The following MAP3K4 variants were observed in gnomAD, a reference collection of about 807,000 sequenced individuals.
MAP3K4 encodes the protein mitogen-activated protein kinase kinase kinase 4.
A neutral mutation model predicts 185.6 loss-of-function variants in MAP3K4; 67 were observed. That is an observed-to-expected ratio of 0.36 (90% CI 0.30 to 0.44). The LOEUF (loss-of-function observed/expected upper bound fraction) is 0.44. Among genes scored for constraint, MAP3K4 ranks in the 20% least tolerant of loss-of-function variants. MAP3K4 has a pLI of 1.00. For synonymous variants in MAP3K4, 702 were observed against 710.4 expected (o/e 0.99, Z 0.19); for missense variants, 1,551 against 1,995.1 (o/e 0.78, Z 4.24).
intron 1 of MAP3K4, among the ~76,000 whole-genome samples, chr6:160,998,148 A>T (rs145680395): frequency 5.9e-5 from 9 of 152,322 alleles, no homozygotes; most frequent in Non-Finnish European, 1.2e-4. Flanking sequence ...GTGGTACTAC[A>T]GGTGCGCACC....
At chr6:161,095,931 A>G (rs1441890785) in intron 15 of MAP3K4, among the ~76,000 whole-genome samples, 1 of 152,132 alleles carries the variant, frequency 6.6e-6, no homozygotes, top group African/African-American at 2.4e-5. Context: ...GAATGTCTTT[A>G]TTTGTAGGAA....
chr6:160,995,979 C>G (rs942211716), intron 1 of MAP3K4, among the ~76,000 whole-genome samples: 10 of 151,980 alleles, frequency 6.6e-5, no homozygotes, highest in Non-Finnish European at 1.3e-4. Context: ...GAATTATTTA[C>G]TTTATATATT....
chr6:161,090,873 C>G (rs1030481594), intron 11 of MAP3K4, among the ~76,000 whole-genome samples: 7 of 152,238 alleles, frequency 4.6e-5, no homozygotes, highest in Non-Finnish European at 8.8e-5. Flanking sequence ...AGTACTTCCA[C>G]TTTTTCCTCC....
chr6:161,035,982 C>T (rs1164228938), intron 2 of MAP3K4, among the ~76,000 whole-genome samples: 3 of 152,112 alleles, frequency 2.0e-5, no homozygotes, highest in Admixed American at 1.3e-4. Flanking sequence ...ACCACTAGTT[C>T]TCCTGGTACT....
chr6:161,026,877 A>G (rs2115137103), intron 1 of MAP3K4, among the ~76,000 whole-genome samples: 1 of 151,802 alleles, frequency 6.6e-6, no homozygotes, highest in South Asian at 2.1e-4. Flanking sequence ...GAAAGCCTTC[A>G]TCTGAATTAT....
In MAP3K4 at chr6:161,094,061, C is replaced by A. The variant is rs73784750; in HGVS notation, c.3427+210C>A. 6.6e-3 allele frequency among the ~76,000 whole-genome samples: 999 copies of A among 152,340 alleles called. 10 individuals carry two copies. Among genetic ancestry groups the A allele is most frequent in the Middle Eastern group, 0.065 (19 of 294 alleles). Reference sequence around the variant, plus strand: ...CAGGAAGATTAAAACGTCAGCCATACGCTATTCCATACCAGCCAGCAGTAT... The same window carrying A: ...CAGGAAGATTAAAACGTCAGCCATAAGCTATTCCATACCAGCCAGCAGTAT... On this transcript the variant is annotated intron_variant, in intron 15 of 26. Coordinates refer to ENST00000392142, the MANE Select transcript of MAP3K4 (RefSeq NM_005922.4).
chr6:161,002,651 G>T (rs1030332030), intron 1 of MAP3K4, among the ~76,000 whole-genome samples: 1 of 144,668 alleles, frequency 6.9e-6, no homozygotes, highest in Non-Finnish European at 1.5e-5. Context: ...GAGTGCAGTG[G>T]TGCAGTCTTG....
chr6:161,004,291 A>G (rs1781471728), intron 1 of MAP3K4, among the ~76,000 whole-genome samples: 1 of 152,194 alleles, frequency 6.6e-6, no homozygotes, highest in African/African-American at 2.4e-5. Flanking sequence ...ACAAAGTAGC[A>G]CCAGGACTCT....
chr6:161,078,963 C>T (rs1349276244), intron 5 of MAP3K4, among the ~76,000 whole-genome samples: 2 of 152,116 alleles, frequency 1.3e-5, no homozygotes, highest in Admixed American at 6.6e-5. Context: ...ACTGTAATCC[C>T]AACACTTTGG....
chr6:161,078,846 T>C (rs369534972), intron 5 of MAP3K4, among the ~76,000 whole-genome samples: 12 of 152,300 alleles, frequency 7.9e-5, no homozygotes, highest in East Asian at 7.7e-4. Context: ...GTGTGGCTGA[T>C]GACGTAAATC....
Position 161,034,132 on chromosome 6 carries a change from G to A in MAP3K4, c.153-127G>A. 1.5e-6 allele frequency: 1 copy of A among 648,396 alleles called. No homozygotes were observed. Among genetic ancestry groups the A allele is most frequent in the Non-Finnish European group, 2.5e-6 (1 of 401,804 alleles). 40.2% of individuals were successfully genotyped at this position (648,396 alleles called of 1,614,324 possible). On this transcript the variant is annotated intron_variant, in intron 1 of 26. Coordinates refer to ENST00000392142, the MANE Select transcript of MAP3K4 (RefSeq NM_005922.4). The surrounding 1 kb of genome is among the most constrained non-coding windows in gnomAD (Gnocchi z 4.4). ...GAGTTTTCACAGGTAAAAATGAGGAGGAGCACAGTGCTGAAGAGATTTTTC... is the reference window on the plus strand; with the variant it reads ...GAGTTTTCACAGGTAAAAATGAGGAAGAGCACAGTGCTGAAGAGATTTTTC...
At chr6:161,012,839 G>T (rs901043868) in intron 1 of MAP3K4, among the ~76,000 whole-genome samples, 1 of 149,946 alleles carries the variant, frequency 6.7e-6, no homozygotes, top group African/African-American at 2.4e-5. Flanking sequence ...AGGTAGGAAT[G>T]ATATCTAAAT....
chr6:161,081,400 TA>T (rs1273716340), intron 6 of MAP3K4, among the ~76,000 whole-genome samples: 1 of 152,112 alleles, frequency 6.6e-6, no homozygotes, highest in African/African-American at 2.4e-5. Flanking sequence ...TGCCCTAGAA[TA>T]AACTCTTTTT....
In MAP3K4 at chr6:161,091,522, G is replaced by A. The variant is rs147995712; in HGVS notation, c.3117G>A (p.Gly1039=). 8 of 1,611,416 alleles carry A rather than the reference G, an allele frequency of 5.0e-6. No homozygotes were observed. The highest frequency in any genetic ancestry group is 2.2e-5 in the East Asian group (1 of 44,786). The change falls in exon 12 of 27, where the codon GGG becomes GGA. Residue 1039 remains glycine (G), a synonymous_variant. Coordinates refer to ENST00000392142, the MANE Select transcript of MAP3K4 (RefSeq NM_005922.4). The surrounding 1 kb of genome is among the most constrained non-coding windows in gnomAD (Gnocchi z 5.5). ...ACTACCGAGAAGCAATGATTCAGGG[G>A]TACAATTTTGGATTTGAGGTAGGTT... ...QQYYREAMIQ[G]YNFGFEYHKE...
rs886464809 is a variant in MAP3K4 at position 161,114,115 on chromosome 6, AAC to A, written c.4627-1002_4627-1001del. Among the ~76,000 whole-genome samples, 1 of 152,136 alleles carries A rather than the reference AAC, an allele frequency of 6.6e-6. No individual in the cohort carries two copies. Among genetic ancestry groups the A allele is most frequent in the Non-Finnish European group, 1.5e-5 (1 of 68,038 alleles). The stretch of plus-strand genomic sequence containing the variant: ...CTATCTTTTAGAGAGTATATAAAGA[AAC>A]ACACATGTTTTGGACAGAAATTCCA... On this transcript the variant is annotated intron_variant, in intron 25 of 26. Coordinates refer to ENST00000392142, the MANE Select transcript of MAP3K4 (RefSeq NM_005922.4). The surrounding 1 kb of genome is among the most constrained non-coding windows in gnomAD (Gnocchi z 4.3).
Position 161,092,843 on chromosome 6 carries a change from C to A in MAP3K4, c.3270-135C>A, listed in dbSNP as rs999239935. The A allele has an allele frequency of 7.9e-6, 4 of 507,980 alleles. No homozygotes were observed. The South Asian group carries it at 1.5e-4, about 19-fold the overall frequency. 31.5% of individuals were successfully genotyped at this position (507,980 alleles called of 1,614,324 possible). A position where few individuals can be genotyped will look rare whatever the true frequency, so the allele number is the denominator to read the frequency against. ...TCCAAAAGGTCACGCTGTAAACTTACTGAACCCAAGCAAAAAAAAGTGTCT... is the reference window on the plus strand; with the variant it reads ...TCCAAAAGGTCACGCTGTAAACTTAATGAACCCAAGCAAAAAAAAGTGTCT... On this transcript the variant is annotated intron_variant, in intron 13 of 26. Transcript: ENST00000392142.
In MAP3K4 at chr6:161,061,044, T is replaced by A. The variant is rs1456117229; in HGVS notation, c.1708-9564T>A. Among the ~76,000 whole-genome samples the A allele has an allele frequency of 6.6e-6, 1 of 152,272 alleles. No individual in the cohort carries two copies. Among genetic ancestry groups the A allele is most frequent in the Non-Finnish European group, 1.5e-5 (1 of 68,044 alleles). Reference sequence around the variant, plus strand: ...CAGAAATTGTGGCTGGTCATTGTTTTACTGTTTAGTGGGCAGATGAAAACA... The same window carrying A: ...CAGAAATTGTGGCTGGTCATTGTTTAACTGTTTAGTGGGCAGATGAAAACA... On this transcript the variant is annotated intron_variant, in intron 3 of 26. Transcript: ENST00000392142. The surrounding 1 kb of genome is among the most constrained non-coding windows in gnomAD (Gnocchi z 4.2).
At position 161,086,198 on chromosome 6, in the gene MAP3K4, A is replaced by G. The variant is rs374536407; in HGVS notation, c.2373-181A>G. 8.5e-5 allele frequency among the ~76,000 whole-genome samples: 13 copies of G among 152,380 alleles called. No homozygotes were observed. The South Asian group carries it at 2.7e-3, about 32-fold the overall frequency. ...TATGAATATTTTCTACAAAACTGTC[A>G]GGAGCAGGCTTCTGAATGTTTTGAC... is the stretch of plus-strand genomic sequence containing the variant. On this transcript the variant is annotated intron_variant, in intron 7 of 26. Transcript: ENST00000392142. The surrounding 1 kb of genome is among the most constrained non-coding windows in gnomAD (Gnocchi z 4.8).
chr6:161,052,485 G>A (rs7774083), intron 3 of MAP3K4, among the ~76,000 whole-genome samples: 141 of 152,202 alleles, frequency 9.3e-4, no homozygotes, highest in African/African-American at 3.2e-3. Context: ...TTTTGTGTAG[G>A]TTGTTTGCTT....
Sources: gnomAD v4.1 joint callset for allele counts (sites outside exome capture counted in the v4.1 genomes callset) on GRCh38, gnomAD v4.1.1 for gene constraint, Gnocchi (gnomAD v3.1) non-coding constraint, MANE v1.5 for transcripts, NCBI Gene and HGNC (gene_info 2026-07-23, HGNC 2026-07-21) for gene names.